HYKK: variants seen among roughly 807,000 people sequenced by gnomAD.
The protein encoded by HYKK is hydroxylysine kinase.
A neutral mutation model predicts 29.7 loss-of-function variants in HYKK; 19 were observed. The ratio of observed to expected loss-of-function variants is 0.64; its 90% CI spans 0.45 to 0.94. The LOEUF is 0.94. Among genes scored for constraint, HYKK ranks in the 40% least tolerant of loss-of-function variants. The pLI is 0.00. For missense variants in HYKK, 390 were observed against 443.4 expected (o/e 0.88, Z 1.08); for synonymous variants, 152 against 158.1 (o/e 0.96, Z 0.29).
downstream of HYKK, among the ~76,000 whole-genome samples, chr15:78,536,881 C>G (rs2141368002): frequency 6.6e-6 from 1 of 152,286 alleles, no homozygotes; most frequent in African/African-American, 2.4e-5. Context: ...TGGGCACCAT[C>G]CAATCTGTTG....
intron 1 of HYKK, among the ~76,000 whole-genome samples, chr15:78,509,982 A>G (rs557771780): frequency 6.8e-4 from 103 of 152,306 alleles, no homozygotes; most frequent in African/African-American, 2.3e-3. Flanking sequence ...TGGAGCAATC[A>G]CTTTGGGTAG....
intron 3 of HYKK, among the ~76,000 whole-genome samples, chr15:78,523,806 C>CAAAACCCAGCAGGGCAGTCATTAAATCTT (rs1383093380): frequency 1.3e-5 from 2 of 152,230 alleles, no homozygotes; most frequent in Non-Finnish European, 2.9e-5. Context: ...CATGCAAGTC[C>CAAAACCCAGCAGGGCAGTCATTAAATCTT]AAAACCCAGC....
At chr15:78,527,121 CA>C (rs780522505) in intron 3 of HYKK, among the ~76,000 whole-genome samples, 3,602 of 131,022 alleles carry the variant, frequency 0.027, 82 homozygotes, top group African/African-American at 0.069. Flanking sequence ...ACTAATAATA[CA>C]AAAAAAAAAA....
chr15:78,521,231 T>C (rs937480897), intron 3 of HYKK, among the ~76,000 whole-genome samples: 1 of 151,838 alleles, frequency 6.6e-6, no homozygotes, highest in Non-Finnish European at 1.5e-5. Context: ...AGTTAACAAG[T>C]GAAGGGACCA....
At chr15:78,515,179 T>A in intron 3 of HYKK, 72 bp downstream of exon 3, 1 of 1,184,874 alleles carries the variant, frequency 8.4e-7, no homozygotes, top group Non-Finnish European at 1.2e-6. Context: ...AAATAAAGTA[T>A]GGATCAGATT....
At chr15:78,519,952 C>T in intron 3 of HYKK, among the ~76,000 whole-genome samples, 1 of 152,206 alleles carries the variant, frequency 6.6e-6, no homozygotes, top group East Asian at 1.9e-4. Context: ...GGCCACTGAA[C>T]TTTCAACTTT....
At chr15:78,530,325 C>T (rs12910100) in intron 4 of HYKK, among the ~76,000 whole-genome samples, 47,869 of 151,852 alleles carry the variant, frequency 0.32, 8,566 homozygotes, top group Non-Finnish European at 0.42. Flanking sequence ...TGCAGCCATC[C>T]AGGTAGCTGT....
rs550786583 is a variant in HYKK at position 78,520,781 on chromosome 15, G to A, written c.477+5674G>A. 9.9e-3 allele frequency among the ~76,000 whole-genome samples: 1,511 copies of A among 152,232 alleles called. 8 individuals carry two copies. The highest frequency in any genetic ancestry group is 0.014 in the Middle Eastern group (4 of 294). ...CACCTCCCAGATGGGGTGGTGGCCGGGCAGAGGGGCTCCTCACTTCCCAGT... is the reference window on the plus strand; with the variant it reads ...CACCTCCCAGATGGGGTGGTGGCCGAGCAGAGGGGCTCCTCACTTCCCAGT... On this transcript the variant is annotated intron_variant, in intron 3 of 4. Transcript: ENST00000388988.
At chr15:78,511,652 G>A (rs76639159) in intron 1 of HYKK, among the ~76,000 whole-genome samples, 4,110 of 152,106 alleles carry the variant, frequency 0.027, 105 homozygotes, top group African/African-American at 0.067. Flanking sequence ...GAGCCTGGTG[G>A]TTGAGGCTGC....
intron 3 of HYKK, among the ~76,000 whole-genome samples, chr15:78,516,595 C>T (rs573697564): frequency 2.0e-5 from 3 of 152,066 alleles, no homozygotes; most frequent in South Asian, 4.2e-4. Context: ...AGCAGTCTTC[C>T]CGCCTCTGCC....
Position 78,513,318 on chromosome 15 carries a change from T to C in HYKK, c.230T>C (p.Leu77Pro), listed in dbSNP as rs957836845. ...SNTKASKNPD[L>P]IEVQNHIIMF... ...ACCAAGGCTAGCAAAAATCCAGACC[T>C]GATTGAAGTGCAGAATCACATCATC... is the stretch of plus-strand genomic sequence containing the variant. Residue 77 changes from leucine (L) to proline (P), a missense_variant, in exon 2 of 5, where the codon CTG (leucine) becomes CCG (proline). By Grantham distance (98) the Leu-to-Pro change is moderately conservative. Transcript: ENST00000388988. 2 of 1,614,196 alleles carry C rather than the reference T, an allele frequency of 1.2e-6. No homozygotes were observed. The highest frequency in any genetic ancestry group is 1.7e-6 in the Non-Finnish European group (2 of 1,180,012).
At chr15:78,509,083 A>G (rs1174084981) in intron 1 of HYKK, among the ~76,000 whole-genome samples, 2 of 151,926 alleles carry the variant, frequency 1.3e-5, no homozygotes, top group Non-Finnish European at 2.9e-5. Context: ...TACAAAGGAG[A>G]CATTTGGTTA....
At chr15:78,520,431 G>A (rs2052180730) in intron 3 of HYKK, among the ~76,000 whole-genome samples, 1 of 151,968 alleles carries the variant, frequency 6.6e-6, no homozygotes, top group African/African-American at 2.4e-5. Context: ...TTAGGGAGTG[G>A]TGATGACTCT....
At chr15:78,525,834 A>G (rs1447842054) in intron 3 of HYKK, among the ~76,000 whole-genome samples, 2 of 152,232 alleles carry the variant, frequency 1.3e-5, no homozygotes, top group Non-Finnish European at 2.9e-5. Flanking sequence ...AATATGTCAC[A>G]TGTAATGGTC....
Position 78,533,520 on chromosome 15 carries a change from C to T in HYKK, c.972C>T (p.Cys324=). ...CACTTGTCATGGCTGCATACTCTTG[C>T]CAGCTATACCCAGAGAACAAAGACT... The part of the protein sequence containing the change: ...CQSLVMAAYS[C]QLYPENKDYL... The change falls in exon 5 of 5, where the codon TGC becomes TGT. Residue 324 remains cysteine, a synonymous_variant. Coordinates refer to ENST00000388988, the MANE Select transcript of HYKK (RefSeq NM_001013619.4). The T allele has an allele frequency of 4.3e-6, 7 of 1,614,086 alleles. No individual in the cohort carries two copies. Among genetic ancestry groups the T allele is most frequent in the Middle Eastern group, 1.6e-4 (1 of 6,062 alleles).
intron 3 of HYKK, among the ~76,000 whole-genome samples, chr15:78,526,338 A>T (rs1049277812): frequency 6.6e-6 from 1 of 152,252 alleles, no homozygotes; most frequent in African/African-American, 2.4e-5. Flanking sequence ...AAAATAAGTA[A>T]GTGAACTATG....
chr15:78,512,318 A>G (rs545152777), intron 1 of HYKK, among the ~76,000 whole-genome samples: 2 of 152,172 alleles, frequency 1.3e-5, no homozygotes, highest in Non-Finnish European at 2.9e-5. Context: ...TTAACCTAAG[A>G]CGGTAGGAAT....
intron 3 of HYKK, among the ~76,000 whole-genome samples, chr15:78,522,347 G>A (rs780457756): frequency 2.6e-5 from 4 of 151,928 alleles, no homozygotes; most frequent in Non-Finnish European, 5.9e-5. Context: ...AGAAGACTCC[G>A]GTTCGAGACC....
intron 3 of HYKK, among the ~76,000 whole-genome samples, chr15:78,520,220 CTTTATTTATTTATTTA>C (rs3053621): frequency 3.3e-5 from 5 of 150,574 alleles, no homozygotes; most frequent in Non-Finnish European, 7.4e-5. Flanking sequence ...GAGCTGAGTT[CTTTATTTATTTATTTA>C]TTTATTTATT....
Sources: gnomAD v4.1 joint callset for allele counts (sites outside exome capture counted in the v4.1 genomes callset) on GRCh38, gnomAD v4.1.1 for gene constraint, MANE v1.5 for transcripts, NCBI Gene and HGNC (gene_info 2026-07-23, HGNC 2026-07-21) for gene names.